RBL1: variants seen among roughly 807,000 people sequenced by gnomAD.
RBL1 encodes retinoblastoma-like protein 1.
RBL1 carries 82 observed loss-of-function variants against 123.0 expected under a neutral mutation model. That is an observed-to-expected ratio of 0.67 (90% CI 0.56 to 0.80). The LOEUF (loss-of-function observed/expected upper bound fraction) is 0.80. Among genes scored for constraint, RBL1 ranks in the 30% least tolerant of loss-of-function variants. RBL1 has a pLI of 0.00. For synonymous variants in RBL1, 405 were observed against 441.3 expected (o/e 0.92, Z 1.03); for missense variants, 1,171 against 1,299.6 (o/e 0.90, Z 1.52).
chr20:37,004,023 T>C (rs1414295637), intron 20 of RBL1, among the ~76,000 whole-genome samples, 157 bp from the exon 21 acceptor site: 2 of 151,902 alleles, frequency 1.3e-5, no homozygotes, highest in African/African-American at 2.4e-5. Flanking sequence ...ACTTCTTCTT[T>C]TTTTTTTTTA....
At chr20:37,085,958 T>C (rs1025072166) in intron 2 of RBL1, among the ~76,000 whole-genome samples, 1 of 152,008 alleles carries the variant, frequency 6.6e-6, no homozygotes, top group Non-Finnish European at 1.5e-5. Flanking sequence ...CTTGTTTTTT[T>C]AATTTGAAAT....
chr20:37,060,961 A>G (rs1298743638), intron 9 of RBL1, 142 bp downstream of exon 9: 8 of 935,886 alleles, frequency 8.5e-6, no homozygotes, highest in African/African-American at 6.7e-5. Flanking sequence ...TTAGGTCAAT[A>G]TATTTTGTGA....
At chr20:37,092,040 C>T (rs896323653) in intron 1 of RBL1, among the ~76,000 whole-genome samples, 5 of 151,860 alleles carry the variant, frequency 3.3e-5, no homozygotes, top group Non-Finnish European at 5.9e-5. Flanking sequence ...TTCAGGGGTT[C>T]GAGACTAGCT....
intron 19 of RBL1, among the ~76,000 whole-genome samples, chr20:37,010,098 C>T (rs913989663): frequency 6.6e-6 from 1 of 151,880 alleles, no homozygotes; most frequent in African/African-American, 2.4e-5. Flanking sequence ...TGGCTCATGC[C>T]TGTAATTCCA....
At chr20:37,094,676 A>C (rs1250269327) in intron 1 of RBL1, among the ~76,000 whole-genome samples, 1 of 152,092 alleles carries the variant, frequency 6.6e-6, no homozygotes, top group African/African-American at 2.4e-5. Context: ...TCTTGCTGTC[A>C]CCCAGGCTGG....
At chr20:37,055,133 C>A (rs1173151559) in intron 11 of RBL1, among the ~76,000 whole-genome samples, 2 of 151,936 alleles carry the variant, frequency 1.3e-5, no homozygotes, top group African/African-American at 4.8e-5. Flanking sequence ...TAGAAAAATT[C>A]TTTTACACAT....
At chr20:37,038,921 C>T (rs559876511) in intron 14 of RBL1, among the ~76,000 whole-genome samples, 2 of 152,108 alleles carry the variant, frequency 1.3e-5, no homozygotes, top group South Asian at 4.1e-4. Context: ...TTTTTATGAT[C>T]CTGCATTGCA....
chr20:37,095,876 C>A lies in RBL1; in HGVS notation c.53G>T (p.Gly18Val). ...CTGGCACAGGGCCTGTAGCGCCTCC[C>A]CGGCTGCGGCGACCACCGCCGCCCC... Reference protein sequence around the residue: ...AEGAAVVAAAGEALQALCQEL... With the variant: ...AEGAAVVAAAVEALQALCQEL... Residue 18 changes from glycine (G) to valine (V), a missense_variant, in exon 1 of 22, where the codon GGG (glycine) becomes GTG (valine). Transcript: ENST00000373664. The A allele has an allele frequency of 1.9e-6, 3 of 1,604,888 alleles. No homozygotes were observed. The highest frequency in any genetic ancestry group is 4.5e-5 in the East Asian group (2 of 44,658).
intron 9 of RBL1, among the ~76,000 whole-genome samples, chr20:37,059,620 T>A (rs1331054010): frequency 6.6e-6 from 1 of 152,180 alleles, no homozygotes; most frequent in Non-Finnish European, 1.5e-5. Flanking sequence ...GATCTATCAC[T>A]ATACCCTCTT....
intron 21 of RBL1, 179 bp downstream of exon 21, chr20:37,003,523 G>T: frequency 1.7e-6 from 2 of 1,154,590 alleles, no homozygotes; most frequent in Non-Finnish European, 1.1e-6. Context: ...AATAATAATG[G>T]ATTAAACTAC....
chr20:37,036,086 AG>A (rs904898703), intron 14 of RBL1, among the ~76,000 whole-genome samples: 1 of 152,266 alleles, frequency 6.6e-6, no homozygotes, highest in African/African-American at 2.4e-5. Context: ...TCAAAAATAA[AG>A]TAAGGATTAT....
chr20:37,021,147 T>G lies in RBL1; in HGVS notation c.2560-417A>C, dbSNP rs371628552. On this transcript the variant is annotated intron_variant, in intron 17 of 21. Transcript: ENST00000373664. ...AGTGATGATTCTCAATCAAACTGAGTGGCTATTACAGGATTAGGTTTTAAC... is the reference window on the plus strand; with the variant it reads ...AGTGATGATTCTCAATCAAACTGAGGGGCTATTACAGGATTAGGTTTTAAC... Among the ~76,000 whole-genome samples, 5 of 152,304 alleles carry G rather than the reference T, an allele frequency of 3.3e-5. No homozygotes were observed. In the South Asian group the frequency reaches 1.0e-3, roughly 32 times the overall value.
At chr20:37,086,642 C>A (rs6017237) in intron 2 of RBL1, among the ~76,000 whole-genome samples, 18 of 152,318 alleles carry the variant, frequency 1.2e-4, no homozygotes, top group African/African-American at 4.3e-4. Context: ...ATTCTGGAAA[C>A]ACAGGAATAG....
At chr20:37,042,030 G>A (rs188148783) in intron 13 of RBL1, among the ~76,000 whole-genome samples, 1 of 137,694 alleles carries the variant, frequency 7.3e-6, no homozygotes, top group Non-Finnish European at 1.5e-5. Flanking sequence ...CCGAGATCAC[G>A]CCACCGCACT....
At chr20:37,049,612 G>C in intron 11 of RBL1, 3 of 757,800 alleles carry the variant, frequency 4.0e-6, no homozygotes, top group Non-Finnish European at 4.8e-6. Flanking sequence ...CCCTTCTGAT[G>C]AATGTGGTGC....
At chr20:37,042,715 CA>C (rs1463583777) in intron 13 of RBL1, among the ~76,000 whole-genome samples, 1 of 151,726 alleles carries the variant, frequency 6.6e-6, no homozygotes, top group Non-Finnish European at 1.5e-5. Flanking sequence ...CTAGCCTGGG[CA>C]ACATAGGGAG....
At chr20:37,086,347 G>A (rs2065545230) in intron 2 of RBL1, among the ~76,000 whole-genome samples, 1 of 151,948 alleles carries the variant, frequency 6.6e-6, no homozygotes, top group Admixed American at 6.6e-5. Context: ...AGCACTTAGG[G>A]AGGCCGAGGC....
rs766773271 is a variant in RBL1, at chr20:37,058,115, T to TAAA, written c.1251-1860_1251-1858dup. Among the ~76,000 whole-genome samples the TAAA allele has an allele frequency of 5.4e-3, 426 of 78,348 alleles. 13 individuals are homozygous for TAAA. Among genetic ancestry groups the TAAA allele is most frequent in the East Asian group, 0.026 (48 of 1,872 alleles). The allele number at this position is 78,348 out of a possible 152,430, so 51.4% of individuals were successfully genotyped here. On this transcript the variant is annotated intron_variant, in intron 9 of 21. Coordinates refer to ENST00000373664, the MANE Select transcript of RBL1 (RefSeq NM_002895.5). ...TGGGCAACAAGGGCGAAACTCTGTC[T>TAAA]AAAAAAAAAAAAAACAAAACAAAAC...
At chr20:37,072,728 G>C (rs73093234) in intron 2 of RBL1, among the ~76,000 whole-genome samples, 9,741 of 152,202 alleles carry the variant, frequency 0.064, 416 homozygotes, top group Middle Eastern at 0.13. Context: ...TGAATTCTTA[G>C]AGCAGGATCA....
Sources: gnomAD v4.1 joint callset for allele counts (sites outside exome capture counted in the v4.1 genomes callset) on GRCh38, gnomAD v4.1.1 for gene constraint, MANE v1.5 for transcripts, NCBI Gene and HGNC (gene_info 2026-07-23, HGNC 2026-07-21) for gene names.